The following PWWP3A variants were observed in gnomAD, a reference collection of about 807,000 sequenced individuals.
PWWP3A encodes PWWP domain-containing DNA repair factor 3A.
PWWP3A carries 53 observed loss-of-function variants against 79.0 expected under a neutral mutation model. That is an observed-to-expected ratio of 0.67 (90% CI 0.54 to 0.84). The LOEUF (loss-of-function observed/expected upper bound fraction) is 0.84, where lower values mean the gene tolerates loss of function less well. Among genes scored for constraint, PWWP3A ranks in the 40% least tolerant of loss-of-function variants. The pLI is 0.00. For missense variants in PWWP3A, 973 were observed against 948.0 expected (o/e 1.03, Z -0.35); for synonymous variants, 443 against 394.4 (o/e 1.12, Z -1.46).
chr19:1,376,937 C>G lies in PWWP3A; in HGVS notation c.*361C>G, dbSNP rs1360188102. 1 of 178,932 alleles carries G rather than the reference C, an allele frequency of 5.6e-6. No homozygotes were observed. The highest frequency in any genetic ancestry group is 1.3e-4 in the East Asian group (1 of 7,496). 11.1% of individuals were successfully genotyped at this position (178,932 alleles called of 1,614,324 possible). Reference sequence around the variant, plus strand: ...CGTATGTGTGGCATCTGATATTAAACGGGAGGTTTTAAGAAGCGTCTGCCG... The same window carrying G: ...CGTATGTGTGGCATCTGATATTAAAGGGGAGGTTTTAAGAAGCGTCTGCCG... On this transcript the variant is annotated 3_prime_UTR_variant, in exon 14 of 14. Coordinates refer to ENST00000591337, the MANE Select transcript of PWWP3A (RefSeq NM_001369789.1).
intron 12 of PWWP3A, chr19:1,372,780 A>C: frequency 6.2e-6 from 2 of 323,056 alleles, no homozygotes; most frequent in Admixed American, 9.3e-5. Context: ...ACCAAAAAAA[A>C]AACTTAAAAT....
At chr19:1,365,330 G>C (rs972232663) in intron 7 of PWWP3A, among the ~76,000 whole-genome samples, 2 of 152,258 alleles carry the variant, frequency 1.3e-5, no homozygotes, top group African/African-American at 4.8e-5. Context: ...AGGCCTGGAA[G>C]TTGCAGGTCA....
rs574387374 is a variant in PWWP3A at position 1,360,057 on chromosome 19, C to T, written c.215-79C>T. 45 of 1,391,726 alleles carry T rather than the reference C, an allele frequency of 3.2e-5. No individual in the cohort carries two copies. Among genetic ancestry groups the T allele is most frequent in the Non-Finnish European group, 3.6e-5 (38 of 1,053,430 alleles). 86.2% of individuals were successfully genotyped at this position (1,391,726 alleles called of 1,614,324 possible). A position where few individuals can be genotyped will look rare whatever the true frequency, so the allele number is the denominator to read the frequency against. On this transcript the variant is annotated intron_variant, in intron 4 of 13. Transcript: ENST00000591337. The surrounding 1 kb of genome is among the most constrained non-coding windows in gnomAD (Gnocchi z 4.4). ...AAACTAGCCGTCAGAATGAGACAAG[C>T]GAGCTTCTAAAGCGATGCCGTGACC... is the stretch of plus-strand genomic sequence containing the variant.
chr19:1,375,892 C>G (rs956971542), intron 13 of PWWP3A, among the ~76,000 whole-genome samples: 9 of 133,266 alleles, frequency 6.8e-5, no homozygotes, highest in South Asian at 2.4e-4. Context: ...TGCAACCCCC[C>G]CACCGTGCCT....
Position 1,360,367 on chromosome 19 carries a change from C to G in PWWP3A, c.446C>G (p.Pro149Arg). 1.2e-6 allele frequency: 2 copies of G among 1,614,132 alleles called. No individual in the cohort carries two copies. Among genetic ancestry groups the G allele is most frequent in the East Asian group, 4.5e-5 (2 of 44,882 alleles). The change falls in exon 5 of 14, where the codon CCT becomes CGT. Residue 149 changes from proline (P) to arginine (R), a missense_variant. Transcript: ENST00000591337. The surrounding 1 kb of genome is among the most constrained non-coding windows in gnomAD (Gnocchi z 4.4). Reference sequence around the variant, plus strand: ...GGAGACGTGTTGGGCAGTTCCAGACCTCACAGGAGGAGGCCATGTGTGCAA... The same window carrying G: ...GGAGACGTGTTGGGCAGTTCCAGACGTCACAGGAGGAGGCCATGTGTGCAA... ...PRGDVLGSSR[P>R]HRRRPCVQQS...
intron 12 of PWWP3A, chr19:1,371,516 C>T (rs1381483949): frequency 7.8e-6 from 5 of 638,594 alleles, no homozygotes; most frequent in South Asian, 1.8e-5. Flanking sequence ...CTGATAAACC[C>T]GTGGTAAGTT....
chr19:1,362,610 CACTT>C (rs1225265309), intron 6 of PWWP3A, among the ~76,000 whole-genome samples: 7 of 152,250 alleles, frequency 4.6e-5, no homozygotes, highest in African/African-American at 1.7e-4. Flanking sequence ...TTACTCCTGT[CACTT>C]ACCTCAAGCC....
At chr19:1,375,343 G>C (rs946037245) in intron 13 of PWWP3A, among the ~76,000 whole-genome samples, 6 of 146,952 alleles carry the variant, frequency 4.1e-5, no homozygotes, top group African/African-American at 1.5e-4. Flanking sequence ...GCTCATCTCC[G>C]AACTTCATCT....
chr19:1,365,316 C>T lies in PWWP3A; in HGVS notation c.1284+737C>T, dbSNP rs138017044. Among the ~76,000 whole-genome samples, 307 of 152,378 alleles carry T rather than the reference C, an allele frequency of 2.0e-3. 9 individuals carry two copies. In the East Asian group the frequency reaches 0.037, roughly 18 times the overall value. ...CGGGGCAGATTCTCTGCTTCTGTCT[C>T]TGCAGGCCTGGAAGTTGCAGGTCAT... On this transcript the variant is annotated intron_variant, in intron 7 of 13. Coordinates refer to ENST00000591337, the MANE Select transcript of PWWP3A (RefSeq NM_001369789.1).
intron 13 of PWWP3A, among the ~76,000 whole-genome samples, chr19:1,374,561 C>T (rs1051377966): frequency 6.6e-6 from 1 of 152,152 alleles, no homozygotes; most frequent in Non-Finnish European, 1.5e-5. Flanking sequence ...GGTGCTGCGG[C>T]CGGTGTGCTC....
Position 1,368,008 on chromosome 19 carries a change from TC to T in PWWP3A, c.1422+790del, listed in dbSNP as rs1600116062. Among the ~76,000 whole-genome samples the T allele has an allele frequency of 6.6e-6, 1 of 152,310 alleles. No homozygotes were observed. The highest frequency in any genetic ancestry group is 1.9e-4 in the East Asian group (1 of 5,178). On this transcript the variant is annotated intron_variant, in intron 9 of 13. Coordinates refer to ENST00000591337, the MANE Select transcript of PWWP3A (RefSeq NM_001369789.1). This position sits in a 1 kb window ranked among gnomAD's most constrained non-coding sequence, Gnocchi z 4.7. ...GGTGCGATCTCAGCTCACTGCAACC[TC>T]CACCTCCTGGGTTCATGCGATTCTG...
rs983023480 is a variant in PWWP3A, at chr19:1,376,728, C to A, written c.*152C>A. On this transcript the variant is annotated 3_prime_UTR_variant, in exon 14 of 14. Coordinates refer to ENST00000591337, the MANE Select transcript of PWWP3A (RefSeq NM_001369789.1). ...CGTGGCAGTCCTGATTTCCATGCTT[C>A]TGGAGAATCCATTTCGTTAACACTG... is the stretch of plus-strand genomic sequence containing the variant. 2 of 574,078 alleles carry A rather than the reference C, an allele frequency of 3.5e-6. No individual in the cohort carries two copies. The highest frequency in any genetic ancestry group is 3.5e-5 in the Admixed American group (1 of 28,436). 35.6% of individuals were successfully genotyped at this position (574,078 alleles called of 1,614,324 possible). A position where few individuals can be genotyped will look rare whatever the true frequency, so the allele number is the denominator to read the frequency against.
chr19:1,360,326 C>G lies in PWWP3A; in HGVS notation c.405C>G (p.Ser135=), dbSNP rs1049550040. Residue 135 remains serine (S), a synonymous_variant, in exon 5 of 14, where the codon TCC becomes TCG. Transcript: ENST00000591337. This position sits in a 1 kb window ranked among gnomAD's most constrained non-coding sequence, Gnocchi z 4.4. ...EHVSSPCDSN[S]SSLPRGDVLG... is the part of the protein sequence containing the mutation. Reference sequence around the variant, plus strand: ...TCTCCTCGCCCTGTGATTCGAACTCCTCATCTCTTCCCCGCGGAGACGTGT... The same window carrying G: ...TCTCCTCGCCCTGTGATTCGAACTCGTCATCTCTTCCCCGCGGAGACGTGT... 1.9e-6 allele frequency: 3 copies of G among 1,614,012 alleles called. No homozygotes were observed. The highest frequency in any genetic ancestry group is 2.5e-6 in the Non-Finnish European group (3 of 1,179,904).
Position 1,376,295 on chromosome 19 carries a change from G to GTTTTTTTTTTTTTTTTTTTT in PWWP3A, c.2076-213_2076-212insTTTTTTTTTTTTTTTTTTTT, listed in dbSNP as rs754438911. Among the ~76,000 whole-genome samples the GTTTTTTTTTTTTTTTTTTTT allele has an allele frequency of 2.7e-4, 18 of 67,056 alleles. 2 individuals are homozygous for GTTTTTTTTTTTTTTTTTTTT. Among genetic ancestry groups the GTTTTTTTTTTTTTTTTTTTT allele is most frequent in the Non-Finnish European group, 3.9e-4 (13 of 33,668 alleles). 44.0% of individuals were successfully genotyped at this position (67,056 alleles called of 152,430 possible). On this transcript the variant is annotated intron_variant, in intron 13 of 13. Transcript: ENST00000591337. ...CATGCGCCACCACGCCCGGCTGTTT[G>GTTTTTTTTTTTTTTTTTTTT]TTTTTTTTTTTGTTTGTTTTTTTTT...
At chr19:1,371,499 T>A in intron 12 of PWWP3A, 1 of 663,430 alleles carries the variant, frequency 1.5e-6, no homozygotes, top group Non-Finnish European at 2.8e-6. Flanking sequence ...ATAATGCGCC[T>A]CATACTCTGA....
At chr19:1,357,371 C>G (rs1338820374) in intron 3 of PWWP3A, 1 of 243,118 alleles carries the variant, frequency 4.1e-6, no homozygotes, top group Non-Finnish European at 7.8e-6. Context: ...AGGGTAGACC[C>G]TATTTGTGGT....
At position 1,360,186 on chromosome 19, in the gene PWWP3A, C is replaced by T. The variant is rs369635213; in HGVS notation, c.265C>T (p.Arg89Trp). 31 of 1,600,662 alleles carry T rather than the reference C, an allele frequency of 1.9e-5. No individual in the cohort carries two copies. The highest frequency in any genetic ancestry group is 1.7e-4 in the Middle Eastern group (1 of 6,008). The change falls in exon 5 of 14, where the codon CGG becomes TGG. Residue 89 changes from arginine (R) to tryptophan (W), a missense_variant. Arg to Trp is a moderately radical substitution (Grantham distance 101). Transcript: ENST00000591337. The surrounding 1 kb of genome is among the most constrained non-coding windows in gnomAD (Gnocchi z 4.4). ...ACCCCTGGAAGAACTGGCCTACAGACGGTCGCTTCGCGTGGCTCTGGACGT... is the reference window on the plus strand; with the variant it reads ...ACCCCTGGAAGAACTGGCCTACAGATGGTCGCTTCGCGTGGCTCTGGACGT... ...AAPLEELAYR[R>W]SLRVALDVLS...
In PWWP3A at chr19:1,364,464, T is replaced by G. The variant is rs370743212; in HGVS notation, c.1214-45T>G. The G allele has an allele frequency of 2.0e-4, 294 of 1,456,158 alleles. 1 individual carries two copies. The highest frequency in any genetic ancestry group is 1.0e-3 in the Admixed American group (50 of 49,540). 90.2% of individuals were successfully genotyped at this position (1,456,158 alleles called of 1,614,324 possible). Reference sequence around the variant, plus strand: ...ACCTGGTGCTTGATATGGATTTGACTTGTCTATTCTTTTTTTTTTGTTTTT... The same window carrying G: ...ACCTGGTGCTTGATATGGATTTGACGTGTCTATTCTTTTTTTTTTGTTTTT... On this transcript the variant is annotated intron_variant, in intron 6 of 13. Coordinates refer to ENST00000591337, the MANE Select transcript of PWWP3A (RefSeq NM_001369789.1).
intron 1 of PWWP3A, among the ~76,000 whole-genome samples, chr19:1,355,951 CTG>C (rs1321867456): frequency 2.6e-5 from 4 of 152,100 alleles, no homozygotes; most frequent in African/African-American, 9.7e-5. Context: ...CTGTGGTCAA[CTG>C]TTAACTCCCC....
Sources: allele counts gnomAD v4.1 joint callset (sites outside exome capture counted in the v4.1 genomes callset), GRCh38; gene constraint gnomAD v4.1.1; non-coding constraint Gnocchi (gnomAD v3.1); transcripts MANE v1.5; gene names NCBI Gene and HGNC (gene_info 2026-07-23, HGNC 2026-07-21).